Variants in ENPP3 observed in about 807,000 individuals in gnomAD.
ENPP3 encodes the protein ectonucleotide pyrophosphatase/phosphodiesterase family member 3.
Under a neutral mutation model 117.8 loss-of-function variants are expected in ENPP3, and 104 were observed. The observed-to-expected ratio is 0.88, with a 90% CI of 0.75 to 1.04. ENPP3 has a LOEUF of 1.04. Ranked by LOEUF, ENPP3 falls within the 50% of genes least tolerant of loss-of-function variation. The pLI is 0.00. For synonymous variants in ENPP3, 380 were observed against 349.9 expected, an observed-to-expected ratio of 1.09 and a Z score of -0.96; for missense variants, 1,026 against 1,051.9, an observed-to-expected ratio of 0.98 and a Z score of 0.34.
At position 131,697,036 on chromosome 6, in the gene ENPP3, G is replaced by A. The variant is rs80026019; in HGVS notation, c.1412+3412G>A. Among the ~76,000 whole-genome samples the A allele has an allele frequency of 4.0e-3, 605 of 152,156 alleles. 2 individuals carry two copies. Among genetic ancestry groups the A allele is most frequent in the African/African-American group, 0.014 (572 of 41,500 alleles). Reference sequence around the variant, plus strand: ...CGCCCTCCTTGGTCTCCCAGTGCCGGGATTACAGGCGTGAGCCACCGTGCC... The same window carrying A: ...CGCCCTCCTTGGTCTCCCAGTGCCGAGATTACAGGCGTGAGCCACCGTGCC... On this transcript the variant is annotated intron_variant, in intron 15 of 24. Coordinates refer to ENST00000357639, the MANE Select transcript of ENPP3 (RefSeq NM_005021.5).
intron 15 of ENPP3, among the ~76,000 whole-genome samples, chr6:131,705,545 GATTT>G (rs1486963606): frequency 6.7e-6 from 1 of 149,884 alleles, no homozygotes; most frequent in Non-Finnish European, 1.5e-5. Context: ...TTGTAAAATA[GATTT>G]ATTTGGATTT....
At chr6:131,661,773 G>T (rs947385899) in intron 6 of ENPP3, among the ~76,000 whole-genome samples, 1 of 152,128 alleles carries the variant, frequency 6.6e-6, no homozygotes, top group African/African-American at 2.4e-5. Flanking sequence ...AGTTGTAGAA[G>T]TTCCTTATAT....
intron 6 of ENPP3, among the ~76,000 whole-genome samples, chr6:131,667,568 AGT>A (rs1312930815): frequency 6.6e-6 from 1 of 152,124 alleles, no homozygotes; most frequent in African/African-American, 2.4e-5. Flanking sequence ...GAAAAATTGG[AGT>A]GTTAGATGTG....
intron 16 of ENPP3, among the ~76,000 whole-genome samples, chr6:131,719,871 A>G (rs1779977195): frequency 1.3e-5 from 2 of 152,186 alleles, no homozygotes; most frequent in Non-Finnish European, 2.9e-5. Context: ...AAAAAAAGTT[A>G]ACATTTTGTG....
rs554023987 is a variant in ENPP3, at chr6:131,650,583, G to A, written c.277+434G>A. Among the ~76,000 whole-genome samples the A allele has an allele frequency of 1.3e-4, 20 of 152,314 alleles. 1 individual carries two copies. Among genetic ancestry groups the A allele is most frequent in the African/African-American group, 4.8e-4 (20 of 41,576 alleles). ...AGTTTCCTAAGGCTGCCATGACAAA[G>A]TACCACAGACTGGGTGGCTTAGCCA... On this transcript the variant is annotated intron_variant, in intron 3 of 24. Coordinates refer to ENST00000357639, the MANE Select transcript of ENPP3 (RefSeq NM_005021.5).
In ENPP3 at chr6:131,658,430, CT is replaced by C; in HGVS notation, c.562+11del. The C allele has an allele frequency of 8.9e-6, 12 of 1,353,062 alleles. No individual in the cohort carries two copies. The highest frequency in any genetic ancestry group is 1.3e-5 in the Non-Finnish European group (12 of 943,250). The allele number at this position is 1,353,062 out of a possible 1,614,324, so 83.8% of individuals were successfully genotyped here. On this transcript the variant is annotated intron_variant, in intron 6 of 24. Coordinates refer to ENST00000357639, the MANE Select transcript of ENPP3 (RefSeq NM_005021.5). ...AATATCAATAAACTGAGTAAGTCTT[CT>C]GTAACTAGTGGCATGCAAATGATAA...
chr6:131,652,796 A>G, intron 4 of ENPP3, 35 bp from the exon 5 acceptor site: 1 of 1,599,074 alleles, frequency 6.3e-7, no homozygotes, highest in South Asian at 1.1e-5. Flanking sequence ...TCTGTGCTGC[A>G]GCAAGTATCA....
chr6:131,672,264 A>G (rs1372383170), intron 7 of ENPP3, among the ~76,000 whole-genome samples: 2 of 152,052 alleles, frequency 1.3e-5, no homozygotes, highest in African/African-American at 4.8e-5. Context: ...CATTTTCACA[A>G]TCTCACTGTC....
chr6:131,670,929 A>G (rs1489972106), intron 6 of ENPP3, among the ~76,000 whole-genome samples: 1 of 152,190 alleles, frequency 6.6e-6, no homozygotes, highest in African/African-American at 2.4e-5. Flanking sequence ...TTTATTGTCT[A>G]TGGATGCTTT....
At position 131,722,344 on chromosome 6, in the gene ENPP3, G is replaced by A; in HGVS notation, c.1685G>A (p.Cys562Tyr). ...HAEEVSKFSV[C>Y]GFANPLPTES... ...GAGGAGGTGTCAAAGTTTTCTGTTT[G>A]TGGCTTTGCTAATCCATTGCCCACA... Residue 562 changes from cysteine to tyrosine, a missense_variant, in exon 18 of 25, where the codon TGT becomes TAT. By Grantham distance (194) the Cys-to-Tyr change is radical (BLOSUM62 -2). Coordinates refer to ENST00000357639, the MANE Select transcript of ENPP3 (RefSeq NM_005021.5). The A allele has an allele frequency of 6.2e-7, 1 of 1,614,050 alleles. No homozygotes were observed. Among genetic ancestry groups the A allele is most frequent in the Non-Finnish European group, 8.5e-7 (1 of 1,179,968 alleles).
intron 15 of ENPP3, among the ~76,000 whole-genome samples, chr6:131,694,398 C>A (rs1210502894): frequency 6.6e-6 from 1 of 152,180 alleles, no homozygotes; most frequent in African/African-American, 2.4e-5. Flanking sequence ...TTTGTGATAG[C>A]TGATAATTCC....
intron 17 of ENPP3, 124 bp from the exon 18 acceptor site, chr6:131,722,103 C>T (rs1198825012): frequency 1.5e-6 from 1 of 668,410 alleles, no homozygotes; most frequent in Non-Finnish European, 2.5e-6. Flanking sequence ...GAGTACATAG[C>T]TTCGTTACAG....
At chr6:131,676,861 G>GC (rs1554262896) in intron 10 of ENPP3, 60 bp downstream of exon 10, 11 of 865,980 alleles carry the variant, frequency 1.3e-5, no homozygotes, top group African/African-American at 1.8e-5. Flanking sequence ...AAAAAATGAA[G>GC]TTTTTTTTTT....
intron 22 of ENPP3, among the ~76,000 whole-genome samples, chr6:131,737,679 A>G (rs964761605): frequency 6.6e-6 from 1 of 152,144 alleles, no homozygotes; most frequent in African/African-American, 2.4e-5. Context: ...ACTGCCACTC[A>G]CTAAAAGTAA....
At chr6:131,668,199 G>A (rs535361561) in intron 6 of ENPP3, among the ~76,000 whole-genome samples, 34 of 140,490 alleles carry the variant, frequency 2.4e-4, no homozygotes, top group Non-Finnish European at 4.9e-4. Flanking sequence ...TCGGAGTCTC[G>A]CTCTGCGTTT....
intron 2 of ENPP3, among the ~76,000 whole-genome samples, chr6:131,649,668 G>A (rs1778221042): frequency 6.6e-6 from 1 of 152,116 alleles, no homozygotes; most frequent in Non-Finnish European, 1.5e-5. Context: ...CAATTCTCCT[G>A]CCTCAGTCTC....
In ENPP3 at chr6:131,652,862, CA is replaced by C; in HGVS notation, c.436del (p.Thr146GlnfsTer35). The C allele has an allele frequency of 6.2e-7, 1 of 1,613,440 alleles. No individual in the cohort carries two copies. On this transcript the variant is annotated frameshift_variant, in exon 5 of 25. Transcript: ENST00000357639. LOFTEE classifies it high-confidence loss of function. ...CCTCATGGCTGGAAGAAAACTGTGA[CA>C]CAGCCCAGCAGTCTCAGTGCCCAGA... Reference protein sequence around the residue: ...ETSWLEENCDTAQQSQCPEGF... With the variant: ...ETSWLEENCDXAQQSQCPEGF...
At chr6:131,675,330 G>A in intron 9 of ENPP3, 141 bp downstream of exon 9, 2 of 608,910 alleles carry the variant, frequency 3.3e-6, no homozygotes, top group East Asian at 2.8e-5. Context: ...TTTCCTTTAT[G>A]TCACTCAAGC....
At position 131,685,353 on chromosome 6, in the gene ENPP3, T is replaced by C. The variant is rs757175446; in HGVS notation, c.1121-11T>C. The C allele has an allele frequency of 3.1e-6, 5 of 1,602,624 alleles. No homozygotes were observed. The highest frequency in any genetic ancestry group is 4.3e-6 in the Non-Finnish European group (5 of 1,172,940). ...CATTCAGTGGGTTATTATGATTATT[T>C]TTTTATTCAGGAATGGACCAGACTT... On this transcript the variant is annotated splice_polypyrimidine_tract_variant and intron_variant, in intron 12 of 24. Transcript: ENST00000357639.
Sources: gnomAD v4.1 joint callset for allele counts (sites outside exome capture counted in the v4.1 genomes callset) on GRCh38, gnomAD v4.1.1 for gene constraint, MANE v1.5 for transcripts, NCBI Gene and HGNC (gene_info 2026-07-23, HGNC 2026-07-21) for gene names.